The following EIPR1 variants were observed in gnomAD, a reference collection of about 807,000 sequenced individuals.
EIPR1 encodes the protein EARP and GARP complex-interacting protein 1.
Under a neutral mutation model 48.1 loss-of-function variants are expected in EIPR1, and 25 were observed. That is an observed-to-expected ratio of 0.52 (90% CI 0.38 to 0.73). The LOEUF is 0.73. EIPR1 is among the 30% of genes least tolerant of loss of function. The pLI, the probability that EIPR1 is intolerant of heterozygous loss-of-function variation, is 0.00. For missense variants in EIPR1, 415 were observed against 506.2 expected, an observed-to-expected ratio of 0.82 and a Z score of 1.73; for synonymous variants, 204 against 201.9, an observed-to-expected ratio of 1.01 and a Z score of -0.09.
intron 3 of EIPR1, among the ~76,000 whole-genome samples, chr2:3,299,525 A>G (rs987460225): frequency 6.6e-6 from 1 of 152,042 alleles, no homozygotes; most frequent in African/African-American, 2.4e-5. Flanking sequence ...TTAATGGGCA[A>G]ATCATACTAT....
chr2:3,326,618 G>A (rs1301999897), intron 3 of EIPR1, among the ~76,000 whole-genome samples: 5 of 152,174 alleles, frequency 3.3e-5, no homozygotes, highest in Non-Finnish European at 1.5e-5. Context: ...GGGTGTGACA[G>A]AAGAAGCGAG....
chr2:3,309,333 C>T (rs1283031188), intron 3 of EIPR1, among the ~76,000 whole-genome samples: 2 of 152,150 alleles, frequency 1.3e-5, no homozygotes, highest in Admixed American at 1.3e-4. Flanking sequence ...AGCATCAAAG[C>T]ACCTCTACAG....
intron 3 of EIPR1, among the ~76,000 whole-genome samples, chr2:3,289,810 C>T (rs372705832): frequency 6.6e-6 from 1 of 152,336 alleles, no homozygotes; most frequent in East Asian, 1.9e-4. Context: ...CTTCCCGGGG[C>T]TTCCCGTCTC....
intron 4 of EIPR1, among the ~76,000 whole-genome samples, chr2:3,252,824 C>T (rs1379678551): frequency 5.3e-5 from 8 of 152,104 alleles, no homozygotes; most frequent in East Asian, 3.9e-4. Flanking sequence ...ACAGGAACCC[C>T]GGCACTGCCT....
intron 1 of EIPR1, among the ~76,000 whole-genome samples, chr2:3,370,161 G>C (rs1431602688): frequency 2.0e-5 from 3 of 152,184 alleles, no homozygotes; most frequent in Non-Finnish European, 4.4e-5. Context: ...AACTCCAACA[G>C]ACCTGCAGCT....
intron 5 of EIPR1, among the ~76,000 whole-genome samples, chr2:3,213,410 T>G (rs1388603353): frequency 2.0e-5 from 3 of 152,172 alleles, no homozygotes; most frequent in Non-Finnish European, 4.4e-5. Flanking sequence ...CGATGCATAT[T>G]TAAAAGCAAA....
At chr2:3,197,105 T>G (rs1406961137) in intron 5 of EIPR1, 88 bp from the exon 6 acceptor site, 8 of 1,385,010 alleles carry the variant, frequency 5.8e-6, no homozygotes, top group Non-Finnish European at 7.9e-6. Context: ...TATCGTATAC[T>G]CAAGGATATT....
At chr2:3,338,304 TTTAA>T (rs1670129604) in intron 2 of EIPR1, among the ~76,000 whole-genome samples, 155 bp from the exon 3 acceptor site, 1 of 152,258 alleles carries the variant, frequency 6.6e-6, no homozygotes, top group Non-Finnish European at 1.5e-5. Context: ...GCTTCTATAA[TTTAA>T]TTCTTACTGG....
chr2:3,192,116 C>G (rs1664625765), intron 8 of EIPR1, among the ~76,000 whole-genome samples: 1 of 152,216 alleles, frequency 6.6e-6, no homozygotes, highest in Non-Finnish European at 1.5e-5. Context: ...TATTCATGCT[C>G]AAGTTTGAAG....
chr2:3,260,569 A>G (rs1197810002), intron 3 of EIPR1, among the ~76,000 whole-genome samples: 2 of 152,030 alleles, frequency 1.3e-5, no homozygotes, highest in Non-Finnish European at 2.9e-5. Context: ...GGAAAGAAAG[A>G]AAACAAAAGA....
At chr2:3,261,088 C>T (rs1667320747) in intron 3 of EIPR1, among the ~76,000 whole-genome samples, 1 of 152,028 alleles carries the variant, frequency 6.6e-6, no homozygotes, top group South Asian at 2.1e-4. Context: ...TAAACCCAGC[C>T]CCAAGTAAAT....
intron 4 of EIPR1, among the ~76,000 whole-genome samples, chr2:3,234,386 C>T (rs963353677): frequency 5.3e-5 from 8 of 152,232 alleles, no homozygotes; most frequent in African/African-American, 1.7e-4. Flanking sequence ...TCTTTAACAA[C>T]AGGCAAGAGT....
At chr2:3,208,827 A>T in intron 5 of EIPR1, 1 of 1,548,454 alleles carries the variant, frequency 6.5e-7, no homozygotes, top group Non-Finnish European at 8.7e-7. Context: ...GGCCCGTGGC[A>T]GGTGCAGGTG....
At chr2:3,340,212 T>G (rs917518444) in intron 2 of EIPR1, among the ~76,000 whole-genome samples, 1 of 152,190 alleles carries the variant, frequency 6.6e-6, no homozygotes, top group Non-Finnish European at 1.5e-5. Context: ...AGGGAGTCAT[T>G]CTGGACTTGC....
intron 3 of EIPR1, among the ~76,000 whole-genome samples, chr2:3,310,386 G>A (rs1198658814): frequency 6.6e-6 from 1 of 151,772 alleles, no homozygotes; most frequent in Non-Finnish European, 1.5e-5. Flanking sequence ...GGGCGCGGTG[G>A]CTCACGCCTG....
intron 5 of EIPR1, among the ~76,000 whole-genome samples, chr2:3,201,083 C>T (rs1288569573): frequency 6.6e-6 from 1 of 152,216 alleles, no homozygotes; most frequent in African/African-American, 2.4e-5. Flanking sequence ...TTGGGGCTGC[C>T]GAGCCCCAGG....
chr2:3,242,514 A>G (rs1378730124), intron 4 of EIPR1, among the ~76,000 whole-genome samples: 1 of 134,448 alleles, frequency 7.4e-6, no homozygotes, highest in Non-Finnish European at 1.6e-5. Flanking sequence ...CTCCGACTCC[A>G]CACCCACTGA....
chr2:3,334,159 C>T (rs891902338), intron 3 of EIPR1, among the ~76,000 whole-genome samples: 4 of 152,172 alleles, frequency 2.6e-5, no homozygotes, highest in South Asian at 2.1e-4. Flanking sequence ...CAGGAAACGC[C>T]GCAAGATGCC....
At chr2:3,344,485 TC>T (rs1355583230) in intron 2 of EIPR1, among the ~76,000 whole-genome samples, 1 of 152,218 alleles carries the variant, frequency 6.6e-6, no homozygotes, top group Non-Finnish European at 1.5e-5. Flanking sequence ...TCATTTGGAT[TC>T]TGCCATTCCT....
Sources: allele counts gnomAD v4.1 joint callset (sites outside exome capture counted in the v4.1 genomes callset), GRCh38; gene constraint gnomAD v4.1.1; transcripts MANE v1.5; gene names NCBI Gene and HGNC (gene_info 2026-07-23, HGNC 2026-07-21).